Variants in CACNA2D3 observed in about 807,000 individuals in gnomAD.
CACNA2D3 encodes the protein calcium voltage-gated channel auxiliary subunit alpha2delta 3.
CACNA2D3 carries 60 observed loss-of-function variants against 160.6 expected under a neutral mutation model. The observed-to-expected ratio is 0.37, with a 90% CI of 0.30 to 0.46. CACNA2D3 has a LOEUF of 0.46. CACNA2D3 is among the 20% of genes least tolerant of loss of function. CACNA2D3 has a pLI of 1.00. For synonymous variants in CACNA2D3, 558 were observed against 492.9 expected (o/e 1.13, Z -1.75); for missense variants, 1,205 against 1,365.0 (o/e 0.88, Z 1.85).
intron 11 of CACNA2D3, among the ~76,000 whole-genome samples, chr3:54,741,593 A>C (rs1701650472): frequency 1.1e-5 from 1 of 91,070 alleles, no homozygotes; most frequent in Non-Finnish European, 2.7e-5. Flanking sequence ...AAAAAATAAT[A>C]AGAAAAATAA....
chr3:54,795,998 G>T (rs1702858908), intron 13 of CACNA2D3, among the ~76,000 whole-genome samples: 1 of 152,182 alleles, frequency 6.6e-6, no homozygotes, highest in African/African-American at 2.4e-5. Flanking sequence ...TAGTTTGAGA[G>T]AATCAGCAAT....
chr3:54,898,669 A>G lies in CACNA2D3; in HGVS notation c.2369-1119A>G, dbSNP rs545904256. 9.7e-4 allele frequency among the ~76,000 whole-genome samples: 148 copies of G among 152,368 alleles called. 1 individual carries two copies. The highest frequency in any genetic ancestry group is 6.8e-3 in the Middle Eastern group (2 of 294). ...TCACAATCCTCTAAAGAAAAATAAT[A>G]GAACTTAGCTTGCTGTTCTTCTGAT... On this transcript the variant is annotated intron_variant, in intron 26 of 37. Transcript: ENST00000474759.
chr3:54,191,453 T>G (rs1420649129), intron 2 of CACNA2D3, among the ~76,000 whole-genome samples: 1 of 150,940 alleles, frequency 6.6e-6, no homozygotes, highest in Non-Finnish European at 1.5e-5. Context: ...TTTAGTGTTT[T>G]CAGTTTCATA....
intron 35 of CACNA2D3, among the ~76,000 whole-genome samples, chr3:55,028,622 T>C (rs1298406791): frequency 6.6e-6 from 1 of 152,214 alleles, no homozygotes; most frequent in Non-Finnish European, 1.5e-5. Context: ...TTAGAATCAA[T>C]TGCAAAATAA....
At chr3:54,128,049 A>G (rs965636919) in intron 2 of CACNA2D3, among the ~76,000 whole-genome samples, 2 of 152,164 alleles carry the variant, frequency 1.3e-5, no homozygotes, top group African/African-American at 4.8e-5. Flanking sequence ...GCTACTCAAA[A>G]TTAAGGGAAA....
intron 2 of CACNA2D3, among the ~76,000 whole-genome samples, chr3:54,151,117 G>A (rs1700142858): frequency 6.6e-6 from 1 of 152,074 alleles, no homozygotes; most frequent in South Asian, 2.1e-4. Context: ...ATGGGTGAAT[G>A]GATGGATGAG....
chr3:54,238,873 A>C (rs1175800481), intron 2 of CACNA2D3, among the ~76,000 whole-genome samples: 1 of 152,188 alleles, frequency 6.6e-6, no homozygotes, highest in Non-Finnish European at 1.5e-5. Context: ...CTGCCTCCAA[A>C]CTGCTTTTGA....
chr3:54,890,495 CAAAAAAAAA>C (rs34740812), intron 24 of CACNA2D3, among the ~76,000 whole-genome samples: 4 of 60,860 alleles, frequency 6.6e-5, no homozygotes, highest in Non-Finnish European at 1.3e-4. Flanking sequence ...GACTCCGTCT[CAAAAAAAAA>C]AAAAAAAAAA....
In CACNA2D3 at chr3:54,309,559, G is replaced by A. The variant is rs1451836035; in HGVS notation, c.205-10883G>A. Among the ~76,000 whole-genome samples the A allele has an allele frequency of 2.6e-5, 4 of 152,098 alleles. 1 individual carries two copies. Among genetic ancestry groups the A allele is most frequent in the South Asian group, 4.2e-4 (2 of 4,810 alleles). ...ACCCATGGCAGAGCCAGCTGCTCTC[G>A]GGGACAGCCTCCCTGGATCTCTGGA... is the stretch of plus-strand genomic sequence containing the variant. On this transcript the variant is annotated intron_variant, in intron 2 of 37. Coordinates refer to ENST00000474759, the MANE Select transcript of CACNA2D3 (RefSeq NM_018398.3).
At chr3:54,497,123 C>G (rs527434672) in intron 4 of CACNA2D3, among the ~76,000 whole-genome samples, 79 of 151,940 alleles carry the variant, frequency 5.2e-4, no homozygotes, top group Non-Finnish European at 9.9e-4. Context: ...AATTTTAAAT[C>G]AGCTTTTCAA....
chr3:54,782,605 T>G (rs1387270293), intron 13 of CACNA2D3, among the ~76,000 whole-genome samples: 7 of 152,026 alleles, frequency 4.6e-5, no homozygotes, highest in Admixed American at 4.6e-4. Flanking sequence ...AGAAGAGCAT[T>G]CAGAGTCATC....
chr3:54,165,134 T>TTTTG (rs1553741532), intron 2 of CACNA2D3, among the ~76,000 whole-genome samples: 1 of 145,616 alleles, frequency 6.9e-6, no homozygotes, highest in African/African-American at 2.8e-5. Context: ...TTTTTTTTTT[T>TTTTG]GTCAAACAAG....
intron 4 of CACNA2D3, among the ~76,000 whole-genome samples, chr3:54,438,333 C>T (rs1350380444): frequency 6.6e-6 from 1 of 152,104 alleles, no homozygotes. Flanking sequence ...GTTTTAGTTA[C>T]TAATTTGTGT....
At chr3:54,474,490 G>T (rs1700793688) in intron 4 of CACNA2D3, among the ~76,000 whole-genome samples, 1 of 152,072 alleles carries the variant, frequency 6.6e-6, no homozygotes, top group Admixed American at 6.6e-5. Context: ...TGGCACGTGT[G>T]TACCTGTGTA....
At chr3:54,635,112 A>G (rs1227484113) in intron 10 of CACNA2D3, among the ~76,000 whole-genome samples, 1 of 151,864 alleles carries the variant, frequency 6.6e-6, no homozygotes, top group African/African-American at 2.4e-5. Context: ...AGGAGATCTT[A>G]TGGTAAGGGG....
chr3:54,348,543 A>G (rs1698497045), intron 3 of CACNA2D3, among the ~76,000 whole-genome samples: 1 of 152,214 alleles, frequency 6.6e-6, no homozygotes. Flanking sequence ...TTAAATGGAA[A>G]TTCGAAGCAC....
At chr3:54,369,215 TAAACAAAC>T (rs146527251) in intron 3 of CACNA2D3, among the ~76,000 whole-genome samples, 2 of 151,512 alleles carry the variant, frequency 1.3e-5, no homozygotes, top group South Asian at 2.1e-4. Context: ...ATTGTCCTCT[TAAACAAAC>T]AAACAAACAA....
At chr3:55,038,550 T>G (rs1364481569) in intron 35 of CACNA2D3, among the ~76,000 whole-genome samples, 2 of 152,138 alleles carry the variant, frequency 1.3e-5, no homozygotes, top group Non-Finnish European at 2.9e-5. Flanking sequence ...ACGCACATAT[T>G]AATATGCACT....
chr3:54,527,293 A>G (rs6414582), intron 5 of CACNA2D3, among the ~76,000 whole-genome samples: 151,466 of 152,326 alleles, frequency 0.99, 75,309 homozygotes, highest in Middle Eastern at 1. Context: ...TCTACACTCA[A>G]TTGCAACTGA....
Sources: gnomAD v4.1 joint callset for allele counts (sites outside exome capture counted in the v4.1 genomes callset) on GRCh38, gnomAD v4.1.1 for gene constraint, MANE v1.5 for transcripts, NCBI Gene and HGNC (gene_info 2026-07-23, HGNC 2026-07-21) for gene names.